The following PCDHGA7 variants were observed in gnomAD, a reference collection of about 807,000 sequenced individuals.
PCDHGA7 encodes the protein protocadherin gamma-A7.
In PCDHGA7, 44 loss-of-function variants were observed where a neutral mutation model predicts 58.3. That is an observed-to-expected ratio of 0.75 (90% CI 0.59 to 0.97). The LOEUF is 0.97. Among genes scored for constraint, PCDHGA7 ranks in the 50% least tolerant of loss-of-function variants. The probability of loss-of-function intolerance (pLI) is 0.00; values close to 1 mark genes in which losing one functional copy is unlikely to be tolerated. For synonymous variants in PCDHGA7, 516 were observed against 504.2 expected (o/e 1.02, Z -0.31); for missense variants, 1,266 against 1,188.7 (o/e 1.06, Z -0.96).
rs2734872 is a variant in PCDHGA7 at position 141,474,454 on chromosome 5, C to T, written c.2425-20353C>T. On this transcript the variant is annotated intron_variant, in intron 1 of 3. Transcript: ENST00000518325. ...ACACTTTGAGTAGCAAGTGATTGGG[C>T]TATACTCTTTATTCTAAATTCTAAA... Among the ~76,000 whole-genome samples, 6 of 152,308 alleles carry T rather than the reference C, an allele frequency of 3.9e-5. No individual in the cohort carries two copies. The East Asian group carries it at 1.2e-3, about 29-fold the overall frequency.
rs1225265096 is a variant in PCDHGA7 at position 141,490,666 on chromosome 5, G to A, written c.2425-4141G>A. Reference sequence around the variant, plus strand: ...GCCTCCGGGCTCCCTTCTTTGCACTGTGGCTGCCTCAGATCCAGACACTGG... The same window carrying A: ...GCCTCCGGGCTCCCTTCTTTGCACTATGGCTGCCTCAGATCCAGACACTGG... On this transcript the variant is annotated intron_variant, in intron 1 of 3. Coordinates refer to ENST00000518325, the MANE Select transcript of PCDHGA7 (RefSeq NM_018920.4). The surrounding 1 kb of genome is among the most constrained non-coding windows in gnomAD (Gnocchi z 5.4). The A allele has an allele frequency of 1.2e-6, 2 of 1,614,134 alleles. No homozygotes were observed. The highest frequency in any genetic ancestry group is 3.3e-5 in the Admixed American group (2 of 60,026).
chr5:141,422,723 G>A lies in PCDHGA7; in HGVS notation c.2424+37400G>A. The stretch of plus-strand genomic sequence containing the variant: ...TCTCTGACGGATGACACTGTCCAGG[G>A]GGTGCCTCTGTCCTCCTATGTCTCT... On this transcript the variant is annotated intron_variant, in intron 1 of 3. Coordinates refer to ENST00000518325, the MANE Select transcript of PCDHGA7 (RefSeq NM_018920.4). The A allele has an allele frequency of 1.2e-6, 2 of 1,605,958 alleles. No homozygotes were observed. The highest frequency in any genetic ancestry group is 1.7e-6 in the Non-Finnish European group (2 of 1,175,478).
Position 141,511,410 on chromosome 5 carries a change from T to TA in PCDHGA7, c.*238dup. On this transcript the variant is annotated 3_prime_UTR_variant, in exon 4 of 4. Coordinates refer to ENST00000518325, the MANE Select transcript of PCDHGA7 (RefSeq NM_018920.4). ...GGAACCCCCATCCAATCAACTGCTG[T>TA]ACCCATGGGGGTAGTGGGGTTACTG... The TA allele has an allele frequency of 1.1e-6, 1 of 908,822 alleles. No homozygotes were observed. The highest frequency in any genetic ancestry group is 1.6e-6 in the Non-Finnish European group (1 of 624,204). 56.3% of individuals were successfully genotyped at this position (908,822 alleles called of 1,614,324 possible).
chr5:141,389,430 C>T (rs2091763189), intron 1 of PCDHGA7: 1 of 1,610,546 alleles, frequency 6.2e-7, no homozygotes, highest in Non-Finnish European at 8.5e-7. Context: ...GTTCGCGCAG[C>T]GCGCCTTCGA....
At position 141,491,744 on chromosome 5, in the gene PCDHGA7, C is replaced by T; in HGVS notation, c.2425-3063C>T. 6.3e-7 allele frequency: 1 copy of T among 1,592,720 alleles called. No individual in the cohort carries two copies. Among genetic ancestry groups the T allele is most frequent in the African/African-American group, 1.3e-5 (1 of 74,122 alleles). Reference sequence around the variant, plus strand: ...CCCCGGGCGACCCCTGGGGGCGGCACTGGAGAAGCCGCCCGTCCTCATAAG... The same window carrying T: ...CCCCGGGCGACCCCTGGGGGCGGCATTGGAGAAGCCGCCCGTCCTCATAAG... On this transcript the variant is annotated intron_variant, in intron 1 of 3. Transcript: ENST00000518325. The surrounding 1 kb of genome is among the most constrained non-coding windows in gnomAD (Gnocchi z 6.9).
At chr5:141,500,469 AAAG>A (rs1479386829) in intron 2 of PCDHGA7, among the ~76,000 whole-genome samples, 1 of 152,052 alleles carries the variant, frequency 6.6e-6, no homozygotes, top group Non-Finnish European at 1.5e-5. Context: ...TCGGCCTCCC[AAAG>A]TGCTGGGATT....
intron 1 of PCDHGA7, among the ~76,000 whole-genome samples, chr5:141,452,299 A>G (rs2098738116): frequency 6.6e-6 from 1 of 152,176 alleles, no homozygotes; most frequent in African/African-American, 2.4e-5. Flanking sequence ...ATAAGAAAAT[A>G]TTAGAGACTC....
At chr5:141,430,936 C>T (rs2097327732) in intron 1 of PCDHGA7, 4 of 1,606,984 alleles carry the variant, frequency 2.5e-6, no homozygotes, top group Admixed American at 3.4e-5. Flanking sequence ...CCCGGGAGCT[C>T]GCGGAGCGCG....
chr5:141,500,493 G>A (rs1239876467), intron 2 of PCDHGA7, among the ~76,000 whole-genome samples: 1 of 152,166 alleles, frequency 6.6e-6, no homozygotes, highest in Admixed American at 6.5e-5. Context: ...ACAGGCGTGA[G>A]CCACCGCGCC....
chr5:141,415,766 TTTTTTTACTTTC>T, intron 1 of PCDHGA7: 1 of 1,295,032 alleles, frequency 7.7e-7, no homozygotes, highest in Admixed American at 3.5e-5. Flanking sequence ...TTTTTTTTTT[TTTTTTTACTTTC>T]TGGTAAAATT....
chr5:141,464,263 TAAA>T (rs35224477), intron 1 of PCDHGA7, among the ~76,000 whole-genome samples: 2 of 103,604 alleles, frequency 1.9e-5, no homozygotes, highest in Non-Finnish European at 1.9e-5. Flanking sequence ...AGACTCCGTC[TAAA>T]AAAAAAAAAA....
At chr5:141,467,117 A>G (rs62379198) in intron 1 of PCDHGA7, among the ~76,000 whole-genome samples, 35,587 of 150,646 alleles carry the variant, frequency 0.24, 4,364 homozygotes, top group Admixed American at 0.32. Flanking sequence ...CAATGGTGCA[A>G]TCTCAGCTCA....
At chr5:141,447,238 C>T (rs1028683423) in intron 1 of PCDHGA7, among the ~76,000 whole-genome samples, 1 of 152,148 alleles carries the variant, frequency 6.6e-6, no homozygotes, top group Non-Finnish European at 1.5e-5. Context: ...CTCCCGGGTT[C>T]AAGTGATTCT....
intron 1 of PCDHGA7, among the ~76,000 whole-genome samples, chr5:141,434,479 A>C (rs2097696849): frequency 6.6e-6 from 1 of 152,202 alleles, no homozygotes; most frequent in African/African-American, 2.4e-5. Flanking sequence ...AGGGCAAGGA[A>C]CACCTGGCCC....
chr5:141,460,959 A>G (rs892536901), intron 1 of PCDHGA7, among the ~76,000 whole-genome samples: 2 of 126,082 alleles, frequency 1.6e-5, no homozygotes, highest in African/African-American at 7.1e-5. Context: ...ATGTATATAT[A>G]TATGTGTGTG....
intron 1 of PCDHGA7, 137 bp from the exon 2 acceptor site, chr5:141,494,670 C>T: frequency 6.5e-7 from 1 of 1,529,402 alleles, no homozygotes; most frequent in Non-Finnish European, 8.8e-7. Flanking sequence ...GGAGATGAGT[C>T]CACCCCTGCC....
At chr5:141,394,875 A>G in intron 1 of PCDHGA7, 3 of 1,613,722 alleles carry the variant, frequency 1.9e-6, no homozygotes, top group Non-Finnish European at 8.5e-7. Flanking sequence ...GAACGATTCG[A>G]GCCTTACACT....
chr5:141,418,429 A>T (rs765952024), intron 1 of PCDHGA7: 2 of 1,613,854 alleles, frequency 1.2e-6, no homozygotes, highest in African/African-American at 2.7e-5. Context: ...ATGGTGGCAA[A>T]TATCCAGAAT....
intron 1 of PCDHGA7, among the ~76,000 whole-genome samples, chr5:141,492,670 C>T (rs567661944): frequency 6.6e-6 from 1 of 152,344 alleles, no homozygotes; most frequent in South Asian, 2.1e-4. Context: ...CCCGGGACTC[C>T]GTCTCAAGGG....
Sources: allele counts gnomAD v4.1 joint callset (sites outside exome capture counted in the v4.1 genomes callset), GRCh38; gene constraint gnomAD v4.1.1; non-coding constraint Gnocchi (gnomAD v3.1); transcripts MANE v1.5; gene names NCBI Gene and HGNC (gene_info 2026-07-23, HGNC 2026-07-21).